The following MLX variants were observed in gnomAD, a reference collection of about 807,000 sequenced individuals.
MLX encodes the protein MAX dimerization protein MLX, also known as max-like protein X.
MLX carries 15 observed loss-of-function variants against 33.0 expected under a neutral mutation model. That is an observed-to-expected ratio of 0.45 (90% CI 0.30 to 0.70). The LOEUF is 0.70. Among genes scored for constraint, MLX ranks in the 30% least tolerant of loss-of-function variants. The pLI is 0.07. For missense variants in MLX, 285 were observed against 306.3 expected (o/e 0.93, Z 0.52); for synonymous variants, 115 against 115.6 (o/e 0.99, Z 0.03).
At chr17:42,571,438 A>G in intron 7 of MLX, 109 bp from the exon 8 acceptor site, 1 of 1,275,518 alleles carries the variant, frequency 7.8e-7, no homozygotes, top group Non-Finnish European at 1.1e-6. Context: ...CCGGGGGGCT[A>G]TTTTTAAAGC....
chr17:42,568,872 A>C lies in MLX; in HGVS notation c.205A>C (p.Lys69Gln), dbSNP rs747300000. The C allele has an allele frequency of 4.3e-6, 7 of 1,611,706 alleles. No individual in the cohort carries two copies. In the Admixed American group the frequency reaches 1.2e-4, roughly 27 times the overall value. The change falls in exon 4 of 8, where the codon AAG becomes CAG. Residue 69 changes from lysine (K) to glutamine (Q), a missense_variant. Coordinates refer to ENST00000435881, the MANE Select transcript of MLX (RefSeq NM_198204.2). ...EDSDYHQEAY[K>Q]ESYKDRRRRA... ...CAGTGATTACCACCAGGAGGCCTACAAGGAGTCCTACAAAGACCGGCGGCG... is the reference window on the plus strand; with the variant it reads ...CAGTGATTACCACCAGGAGGCCTACCAGGAGTCCTACAAAGACCGGCGGCG...
intron 4 of MLX, 117 bp from the exon 5 acceptor site, chr17:42,569,087 A>G (rs568484164): frequency 7.8e-7 from 1 of 1,277,784 alleles, no homozygotes; most frequent in East Asian, 2.3e-5. Flanking sequence ...CCTCCCTTGC[A>G]GCCTTCCCAC....
Position 42,570,064 on chromosome 17 carries a change from G to A in MLX, c.559G>A (p.Val187Met), listed in dbSNP as rs1185964649. ...DQVSDQVKFN[V>M]FQGIMDSLFQ... ...GGTCTCTGACCAGGTCAAGTTCAAC[G>A]TGTTTCAAGGCATCATGGATTCCCT... Residue 187 changes from valine (V) to methionine (M), a missense_variant, in exon 7 of 8, where the codon GTG becomes ATG. By Grantham distance (21) the Val-to-Met change is conservative. Transcript: ENST00000435881. 13 of 1,614,154 alleles carry A rather than the reference G, an allele frequency of 8.1e-6. No individual in the cohort carries two copies. The highest frequency in any genetic ancestry group is 3.3e-5 in the South Asian group (3 of 91,084).
At position 42,567,654 on chromosome 17, in the gene MLX, C is replaced by G. The variant is rs1434609285; in HGVS notation, c.78C>G (p.Pro26=). 1.2e-6 allele frequency: 2 copies of G among 1,613,998 alleles called. No individual in the cohort carries two copies. The highest frequency in any genetic ancestry group is 1.1e-5 in the South Asian group (1 of 91,094). ...CCTACAGCGACAACAGCCTGGACCC[C>G]GGTGAGTAGCTGCCCCATCTTAAGC... The part of the protein sequence containing the change: ...EYAYSDNSLD[P]GLFVESTRKG... The change falls in exon 2 of 8, where the codon CCC becomes CCG. Residue 26 remains proline (P), a splice_region_variant and synonymous_variant. Transcript: ENST00000435881.
At chr17:42,567,336 G>A in intron 1 of MLX, 170 bp downstream of exon 1, 1 of 1,402,806 alleles carries the variant, frequency 7.1e-7, no homozygotes, top group Non-Finnish European at 9.3e-7. Flanking sequence ...AAGGTGGGGA[G>A]ACAAACGAGG....
At position 42,572,118 on chromosome 17, in the gene MLX, C is replaced by T. The variant is rs2093036121; in HGVS notation, c.*515C>T. ...ATGAAGGGTGAAAGGGCACCTTGTGCCTAGACTAGGGCTGCCTGGTCAGTC... is the reference window on the plus strand; with the variant it reads ...ATGAAGGGTGAAAGGGCACCTTGTGTCTAGACTAGGGCTGCCTGGTCAGTC... On this transcript the variant is annotated 3_prime_UTR_variant, in exon 8 of 8. Coordinates refer to ENST00000435881, the MANE Select transcript of MLX (RefSeq NM_198204.2). The T allele has an allele frequency of 3.5e-6, 1 of 287,262 alleles. No homozygotes were observed. The highest frequency in any genetic ancestry group is 6.8e-6 in the Non-Finnish European group (1 of 146,404). The allele number at this position is 287,262 out of a possible 1,614,324, so 17.8% of individuals were successfully genotyped here.
At chr17:42,567,985 G>A (rs2093015603) in intron 2 of MLX, 1 of 393,484 alleles carries the variant, frequency 2.5e-6, no homozygotes, top group Admixed American at 4.0e-5. Flanking sequence ...CTAGGGAGCA[G>A]AGCACTGCAG....
chr17:42,569,811 GGA>G, intron 6 of MLX, 169 bp from the exon 7 acceptor site: 2 of 727,068 alleles, frequency 2.8e-6, no homozygotes, highest in Admixed American at 4.8e-5. Flanking sequence ...AAGGAAGGTT[GGA>G]GAGAGAGGGC....
At position 42,569,194 on chromosome 17, in the gene MLX, G is replaced by A. The variant is rs1471719472; in HGVS notation, c.277-10G>A. 1 of 1,612,908 alleles carries A rather than the reference G, an allele frequency of 6.2e-7. No homozygotes were observed. Among genetic ancestry groups the A allele is most frequent in the African/African-American group, 1.3e-5 (1 of 74,910 alleles). On this transcript the variant is annotated splice_polypyrimidine_tract_variant and intron_variant, in intron 4 of 7. Transcript: ENST00000435881. ...GGTTAAAGAACCCATTTCCCCTGCT[G>A]TTTCCACAGAGAGGCTATGATGACC...
rs754596851 is a variant in MLX, at chr17:42,569,490, T to C, written c.377-17T>C. On this transcript the variant is annotated splice_polypyrimidine_tract_variant and intron_variant, in intron 5 of 7. Transcript: ENST00000435881. ...AATACTTCTGTACCTGTCCTTTTTT[T>C]CTTGCCCCCACCCTAGCCATTGACT... 1.1e-5 allele frequency: 17 copies of C among 1,607,576 alleles called. No individual in the cohort carries two copies. The East Asian group carries it at 3.6e-4, about 34-fold the overall frequency.
rs2093035163 is a variant in MLX at position 42,571,964 on chromosome 17, T to C, written c.*361T>C. 1.1e-5 allele frequency: 3 copies of C among 277,640 alleles called. No homozygotes were observed. The highest frequency in any genetic ancestry group is 2.1e-5 in the Non-Finnish European group (3 of 142,726). The allele number at this position is 277,640 out of a possible 1,614,324, so 17.2% of individuals were successfully genotyped here. A position where few individuals can be genotyped will look rare whatever the true frequency, so the allele number is the denominator to read the frequency against. ...TCATGATCTACATAGATTTGGAAACTGTTTTCCTCTGTTTTGGTCTCTTGG... is the reference window on the plus strand; with the variant it reads ...TCATGATCTACATAGATTTGGAAACCGTTTTCCTCTGTTTTGGTCTCTTGG... On this transcript the variant is annotated 3_prime_UTR_variant, in exon 8 of 8. Coordinates refer to ENST00000435881, the MANE Select transcript of MLX (RefSeq NM_198204.2).
chr17:42,571,375 C>T (rs907739281), intron 7 of MLX, among the ~76,000 whole-genome samples, 172 bp from the exon 8 acceptor site: 5 of 152,182 alleles, frequency 3.3e-5, no homozygotes, highest in Admixed American at 2.0e-4. Flanking sequence ...GATCCACCCG[C>T]CTTGGCCTCC....
chr17:42,569,421 T>C, intron 5 of MLX, 86 bp from the exon 6 acceptor site: 1 of 1,504,058 alleles, frequency 6.6e-7, no homozygotes, highest in South Asian at 1.1e-5. Flanking sequence ...ATAGTTGGGG[T>C]CTGGGGTAAG....
In MLX at chr17:42,572,959, G is replaced by A. The variant is rs149275413; in HGVS notation, c.*1356G>A. 9,545 of 1,613,974 alleles carry A rather than the reference G, an allele frequency of 5.9e-3. 323 individuals carry two copies. In the South Asian group the frequency reaches 0.068, roughly 12 times the overall value. Reference sequence around the variant, plus strand: ...CCTGCAGTCCCCACCAGTCCTGACCGTGGGCCCCTCAGGGGTCTGGGAGTG... The same window carrying A: ...CCTGCAGTCCCCACCAGTCCTGACCATGGGCCCCTCAGGGGTCTGGGAGTG... On this transcript the variant is annotated 3_prime_UTR_variant, in exon 8 of 8. Coordinates refer to ENST00000435881, the MANE Select transcript of MLX (RefSeq NM_198204.2).
Position 42,567,623 on chromosome 17 carries a change from A to T in MLX, c.47A>T (p.Glu16Val). ...ASPEDPWVKV[E>V]YAYSDNSLDP... Reference sequence around the variant, plus strand: ...TTCCCGTGCTCTGTGCCGCAGGTGGAGTATGCCTACAGCGACAACAGCCTG... The same window carrying T: ...TTCCCGTGCTCTGTGCCGCAGGTGGTGTATGCCTACAGCGACAACAGCCTG... Residue 16 changes from glutamate to valine, a missense_variant, in exon 2 of 8, where the codon GAG becomes GTG. Physicochemically the swap from Glu to Val is moderately radical, Grantham distance 121 (BLOSUM62 -2). Coordinates refer to ENST00000435881, the MANE Select transcript of MLX (RefSeq NM_198204.2). The T allele has an allele frequency of 1.9e-6, 3 of 1,614,006 alleles. No individual in the cohort carries two copies. Among genetic ancestry groups the T allele is most frequent in the South Asian group, 1.1e-5 (1 of 91,072 alleles).
chr17:42,568,430 C>T (rs1338190418), intron 2 of MLX, 40 bp from the exon 3 acceptor site: 1 of 1,471,904 alleles, frequency 6.8e-7, no homozygotes, highest in Non-Finnish European at 9.5e-7. Flanking sequence ...GGCAATGTTC[C>T]CCACCCCACC....
intron 7 of MLX, among the ~76,000 whole-genome samples, chr17:42,570,726 G>A (rs2093027691): frequency 6.6e-6 from 1 of 152,110 alleles, no homozygotes; most frequent in Non-Finnish European, 1.5e-5. Flanking sequence ...CACAATCTCG[G>A]CTCACTGCAA....
intron 3 of MLX, 109 bp downstream of exon 3, chr17:42,568,668 A>G: frequency 1.7e-6 from 2 of 1,178,956 alleles, no homozygotes; most frequent in South Asian, 1.2e-5. Flanking sequence ...GCTGGAGCCA[A>G]AGTATCAGAC....
At chr17:42,568,722 T>C (rs781353323) in intron 3 of MLX, 115 bp from the exon 4 acceptor site, 14 of 1,104,380 alleles carry the variant, frequency 1.3e-5, no homozygotes, top group Non-Finnish European at 1.6e-5. Flanking sequence ...CATTAGGTGG[T>C]TCTGTCCATC....
Sources: gnomAD v4.1 joint callset for allele counts (sites outside exome capture counted in the v4.1 genomes callset) on GRCh38, gnomAD v4.1.1 for gene constraint, MANE v1.5 for transcripts, NCBI Gene and HGNC (gene_info 2026-07-23, HGNC 2026-07-21) for gene names.